PACRG: variants seen among roughly 807,000 people sequenced by gnomAD.
PACRG encodes the protein parkin coregulated gene protein.
Under a neutral mutation model 29.7 loss-of-function variants are expected in PACRG, and 29 were observed. That is an observed-to-expected ratio of 0.98 (90% CI 0.73 to 1.33). The LOEUF (loss-of-function observed/expected upper bound fraction) is 1.33, where lower values mean the gene tolerates loss of function less well. Among genes scored for constraint, PACRG ranks in the 40% most tolerant of loss-of-function variants. The pLI, the probability that PACRG is intolerant of heterozygous loss-of-function variation, is 0.00. For synonymous variants in PACRG, 116 were observed against 118.7 expected (o/e 0.98, Z 0.15); for missense variants, 279 against 316.2 (o/e 0.88, Z 0.89).
At position 162,728,088 on chromosome 6, in the gene PACRG, A is replaced by G. The variant is rs1267720082; in HGVS notation, c.-148A>G. 24 of 983,482 alleles carry G rather than the reference A, an allele frequency of 2.4e-5. No homozygotes were observed. The highest frequency in any genetic ancestry group is 7.6e-6 in the Non-Finnish European group (5 of 661,658). 60.9% of individuals were successfully genotyped at this position (983,482 alleles called of 1,614,324 possible). A position where few individuals can be genotyped will look rare whatever the true frequency, so the allele number is the denominator to read the frequency against. On this transcript the variant is annotated 5_prime_UTR_variant, in exon 1 of 5. Coordinates refer to ENST00000366888, the MANE Select transcript of PACRG (RefSeq NM_001080379.2). ...TCCCTTCACCTAGGAGCTGCCAAAC[A>G]TCTGGATCAACCTGGGCACTACGAG...
At chr6:162,906,371 G>C (rs1795934997) in intron 2 of PACRG, among the ~76,000 whole-genome samples, 1 of 152,106 alleles carries the variant, frequency 6.6e-6, no homozygotes, top group Non-Finnish European at 1.5e-5. Context: ...TAGAGTTTTA[G>C]AAATTTCTTT....
Position 162,947,627 on chromosome 6 carries a change from TA to T in PACRG, c.292-114522del, listed in dbSNP as rs1562767618. The stretch of plus-strand genomic sequence containing the variant: ...ATATATAATCATATATATATATATA[TA>T]TATATATATATATATATATACACCC... On this transcript the variant is annotated intron_variant, in intron 2 of 4. Coordinates refer to ENST00000366888, the MANE Select transcript of PACRG (RefSeq NM_001080379.2). Among the ~76,000 whole-genome samples the T allele has an allele frequency of 2.6e-4, 16 of 61,124 alleles. 2 individuals carry two copies. Among genetic ancestry groups the T allele is most frequent in the East Asian group, 8.1e-4 (2 of 2,464 alleles). 40.1% of individuals were successfully genotyped at this position (61,124 alleles called of 152,430 possible).
chr6:163,280,030 A>G (rs1044844828), intron 4 of PACRG, among the ~76,000 whole-genome samples: 1 of 152,206 alleles, frequency 6.6e-6, no homozygotes, highest in African/African-American at 2.4e-5. Flanking sequence ...CCCTCCCTCC[A>G]GAGGCAGAGA....
At chr6:162,877,079 T>G (rs1562689660) in intron 2 of PACRG, among the ~76,000 whole-genome samples, 1 of 152,110 alleles carries the variant, frequency 6.6e-6, no homozygotes, top group Non-Finnish European at 1.5e-5. Flanking sequence ...AGCAATCCCA[T>G]TACTGGATAT....
In PACRG at chr6:163,062,210, G is replaced by T. The variant is rs1385661043; in HGVS notation, c.352G>T (p.Glu118Ter). The change falls in exon 3 of 5, where the codon GAA becomes TAA. Residue 118 changes from glutamate to a stop codon, truncating the protein, a stop_gained. Coordinates refer to ENST00000366888, the MANE Select transcript of PACRG (RefSeq NM_001080379.2). LOFTEE classifies it high-confidence loss of function. ...GCCTCTGTTTTTTGATGGGCTTTGT[G>T]AAATGACATTTCCCTATGAGTTTTT... The part of the protein sequence containing the change: ...YLPLFFDGLC[E>*]MTFPYEFFAR... 1.9e-6 allele frequency: 3 copies of T among 1,614,018 alleles called. No individual in the cohort carries two copies. The highest frequency in any genetic ancestry group is 3.3e-5 in the Admixed American group (2 of 60,002).
intron 4 of PACRG, among the ~76,000 whole-genome samples, chr6:163,138,572 AGTTCACAATAGG>A (rs2128333182): frequency 6.6e-6 from 1 of 152,294 alleles, no homozygotes; most frequent in African/African-American, 2.4e-5. Flanking sequence ...TCACATGCGC[AGTTCACAATAGG>A]GTTCATGCTC....
chr6:162,766,666 C>G (rs147650322), intron 1 of PACRG, among the ~76,000 whole-genome samples: 1 of 152,002 alleles, frequency 6.6e-6, no homozygotes, highest in African/African-American at 2.4e-5. Flanking sequence ...AATGGCTGTA[C>G]GAATTTTGAT....
chr6:162,981,305 A>ATATATATATATATATATATATTTTTTTTT (rs925663285), intron 2 of PACRG, among the ~76,000 whole-genome samples: 1 of 149,132 alleles, frequency 6.7e-6, no homozygotes, highest in African/African-American at 2.5e-5. Context: ...ATATATATAT[A>ATATATATATATATATATATATTTTTTTTT]TTTACAATGG....
At chr6:163,196,466 G>C (rs542776867) in intron 4 of PACRG, among the ~76,000 whole-genome samples, 15 of 152,354 alleles carry the variant, frequency 9.8e-5, no homozygotes, top group South Asian at 4.1e-4. Flanking sequence ...CCTTAGAGAT[G>C]TCAAATGGGA....
At chr6:162,765,800 A>G (rs1301629312) in intron 1 of PACRG, among the ~76,000 whole-genome samples, 2 of 152,086 alleles carry the variant, frequency 1.3e-5, no homozygotes, top group South Asian at 2.1e-4. Flanking sequence ...ACATTTCTGG[A>G]GCATTTTTGG....
intron 4 of PACRG, among the ~76,000 whole-genome samples, chr6:163,204,340 G>A (rs891469731): frequency 6.6e-6 from 1 of 152,116 alleles, no homozygotes; most frequent in African/African-American, 2.4e-5. Flanking sequence ...CCACCTTTAT[G>A]TTATTACTGC....
intron 2 of PACRG, among the ~76,000 whole-genome samples, chr6:162,871,886 C>A (rs188957573): frequency 2.6e-4 from 40 of 151,214 alleles, no homozygotes; most frequent in African/African-American, 9.2e-4. Flanking sequence ...CACTGCACTC[C>A]AGCCTGGGTG....
chr6:163,314,868 G>C lies in PACRG; in HGVS notation c.655G>C (p.Glu219Gln). 1 of 1,614,206 alleles carries C rather than the reference G, an allele frequency of 6.2e-7. No individual in the cohort carries two copies. The change falls in exon 5 of 5, where the codon GAG (glutamate) becomes CAG (glutamine). Residue 219 changes from glutamate (E) to glutamine (Q), a missense_variant. Physicochemically the swap from Glu to Gln is conservative, Grantham distance 29. Coordinates refer to ENST00000366888, the MANE Select transcript of PACRG (RefSeq NM_001080379.2). ...CATTGACTACAGCCAGCAGAAGAGG[G>C]AGAACATTGGGGACTTGATCCAGGA... ...DGIDYSQQKRENIGDLIQETL... is the reference protein window; with the variant it reads ...DGIDYSQQKRQNIGDLIQETL...
chr6:163,046,730 T>G (rs1809436622), intron 2 of PACRG: 1 of 152,158 alleles, frequency 6.6e-6, no homozygotes, highest in East Asian at 1.9e-4. Context: ...CTAACACACT[T>G]TCCTTTTTTT....
rs1425642968 is a variant in PACRG, at chr6:163,055,341, TGCAC to T, written c.292-6808_292-6805del. On this transcript the variant is annotated intron_variant, in intron 2 of 4. Coordinates refer to ENST00000366888, the MANE Select transcript of PACRG (RefSeq NM_001080379.2). The surrounding 1 kb of genome is among the most constrained non-coding windows in gnomAD (Gnocchi z 4.0). ...ACATATCCAGGTGTGCACACACACA[TGCAC>T]ACACACACGCACACACACGCACACA... Among the ~76,000 whole-genome samples the T allele has an allele frequency of 1.9e-5, 2 of 107,852 alleles. No homozygotes were observed. The highest frequency in any genetic ancestry group is 4.0e-5 in the Non-Finnish European group (2 of 49,764). The allele number at this position is 107,852 out of a possible 152,430, so 70.8% of individuals were successfully genotyped here.
chr6:163,157,554 T>G (rs1388603103), intron 4 of PACRG, among the ~76,000 whole-genome samples: 1 of 152,160 alleles, frequency 6.6e-6, no homozygotes, highest in Non-Finnish European at 1.5e-5. Context: ...AAATGTTAGT[T>G]GGATGGGCAG....
At chr6:162,839,862 A>G (rs1368832884) in intron 2 of PACRG, among the ~76,000 whole-genome samples, 1 of 147,890 alleles carries the variant, frequency 6.8e-6, no homozygotes, top group Non-Finnish European at 1.5e-5. Context: ...TCCTTTCCCC[A>G]TTGCTTGTTT....
chr6:163,229,008 A>T (rs1432434419), intron 4 of PACRG, among the ~76,000 whole-genome samples: 2 of 152,244 alleles, frequency 1.3e-5, no homozygotes, highest in African/African-American at 2.4e-5. Context: ...TGTTTTGTTT[A>T]TAAAAATAGT....
At chr6:162,822,183 G>T (rs190551108) in intron 2 of PACRG, among the ~76,000 whole-genome samples, 1 of 152,264 alleles carries the variant, frequency 6.6e-6, no homozygotes, top group Admixed American at 6.5e-5. Flanking sequence ...CAACGAAAAA[G>T]ACAATCATCT....
Sources: gnomAD v4.1 joint callset for allele counts (sites outside exome capture counted in the v4.1 genomes callset) on GRCh38, gnomAD v4.1.1 for gene constraint, Gnocchi (gnomAD v3.1) non-coding constraint, MANE v1.5 for transcripts, NCBI Gene and HGNC (gene_info 2026-07-23, HGNC 2026-07-21) for gene names.